The following NPAS4 variants were observed in gnomAD, a reference collection of about 807,000 sequenced individuals.
The protein encoded by NPAS4 is neuronal PAS domain-containing protein 4.
A neutral mutation model predicts 64.0 loss-of-function variants in NPAS4; 10 were observed. That is an observed-to-expected ratio of 0.16 (90% CI 0.10 to 0.26). The LOEUF is 0.26. NPAS4 is among the 10% of genes least tolerant of loss of function. The pLI, the probability that NPAS4 is intolerant of heterozygous loss-of-function variation, is 1.00. For synonymous variants in NPAS4, 441 were observed against 411.7 expected, an observed-to-expected ratio of 1.07 and a Z score of -0.86; for missense variants, 886 against 992.6, an observed-to-expected ratio of 0.89 and a Z score of 1.44.
chr11:66,418,816 G>A (rs1856697432), upstream of NPAS4, among the ~76,000 whole-genome samples: 1 of 152,164 alleles, frequency 6.6e-6, no homozygotes, highest in Admixed American at 6.5e-5. Flanking sequence ...GGGTACCCAA[G>A]CCCTACGTCG....
At chr11:66,409,663 G>A in the NPAS4 span, among the ~76,000 whole-genome samples, 1 of 152,190 alleles carries the variant, frequency 6.6e-6, no homozygotes, top group South Asian at 2.1e-4. Context: ...AGTAGTGATT[G>A]ACTAGGGCCA....
rs757922648 is a variant in NPAS4 at position 66,424,426 on chromosome 11, G to A, written c.1536G>A (p.Leu512=). 9 of 1,613,982 alleles carry A rather than the reference G, an allele frequency of 5.6e-6. No homozygotes were observed. The highest frequency in any genetic ancestry group is 7.6e-6 in the Non-Finnish European group (9 of 1,180,032). ...TPCTSTFPDQ[L]LPSTATFPEP... is the part of the protein sequence containing the mutation. Reference sequence around the variant, plus strand: ...GCACCTCCACCTTCCCAGACCAGCTGCTTCCCAGCACAGCCACCTTCCCAG... The same window carrying A: ...GCACCTCCACCTTCCCAGACCAGCTACTTCCCAGCACAGCCACCTTCCCAG... The change falls in exon 7 of 8, where the codon CTG becomes CTA. Residue 512 remains leucine, a synonymous_variant. Transcript: ENST00000311034.
upstream of NPAS4, among the ~76,000 whole-genome samples, chr11:66,417,649 G>C (rs1267974999): frequency 6.6e-6 from 1 of 152,022 alleles, no homozygotes; most frequent in Non-Finnish European, 1.5e-5. Flanking sequence ...ATTGAGTCTG[G>C]GGACGCATGT....
chr11:66,423,150 C>T lies in NPAS4; in HGVS notation c.726C>T (p.Arg242=), dbSNP rs760841437. 1 of 1,610,996 alleles carries T rather than the reference C, an allele frequency of 6.2e-7. No individual in the cohort carries two copies. ...ESVLIYLGFE[R]SELLCKSWYG... ...TCCTAATCTACCTGGGCTTTGAGCG[C>T]AGTGAACTGCTTTGTAAATCATGGT... Residue 242 remains arginine (R), a synonymous_variant, in exon 5 of 8, where the codon CGC becomes CGT. Coordinates refer to ENST00000311034, the MANE Select transcript of NPAS4 (RefSeq NM_178864.4).
chr11:66,425,763 C>T (rs1294025212), intron 7 of NPAS4, among the ~76,000 whole-genome samples, 198 bp from the exon 8 acceptor site: 1 of 152,130 alleles, frequency 6.6e-6, no homozygotes, highest in African/African-American at 2.4e-5. Context: ...TGGTTACAGC[C>T]CCATCCTTCC....
chr11:66,426,156 G>T lies in NPAS4; in HGVS notation c.*167G>T. ...GGGGGGGGGAGGTGGGAGGGCAAGGGAGGGGAGCTTCTTTTTAAAATCAAG... is the reference window on the plus strand; with the variant it reads ...GGGGGGGGGAGGTGGGAGGGCAAGGTAGGGGAGCTTCTTTTTAAAATCAAG... On this transcript the variant is annotated 3_prime_UTR_variant, in exon 8 of 8. Coordinates refer to ENST00000311034, the MANE Select transcript of NPAS4 (RefSeq NM_178864.4). 1 of 562,150 alleles carries T rather than the reference G, an allele frequency of 1.8e-6. No individual in the cohort carries two copies. The highest frequency in any genetic ancestry group is 3.2e-6 in the Non-Finnish European group (1 of 309,598). 34.8% of individuals were successfully genotyped at this position (562,150 alleles called of 1,614,324 possible).
chr11:66,414,700 G>A, the NPAS4 span, among the ~76,000 whole-genome samples: 7 of 152,214 alleles, frequency 4.6e-5, no homozygotes, highest in Admixed American at 2.6e-4. Context: ...AAGATGCAGC[G>A]GAAGACAACA....
In NPAS4 at chr11:66,426,111, CCAGGCCCTGCAGGATTTTGGG is replaced by C; in HGVS notation, c.*123_*143del. ...GCCAGAGGGGGATATATATGATTCC[CCAGGCCCTGCAGGATTTTGGG>C]GGGGGGGAGGTGGGAGGGCAAGGGA... is the stretch of plus-strand genomic sequence containing the variant. On this transcript the variant is annotated 3_prime_UTR_variant, in exon 8 of 8. Transcript: ENST00000311034. The C allele has an allele frequency of 1.5e-6, 1 of 661,206 alleles. No homozygotes were observed. The highest frequency in any genetic ancestry group is 2.7e-6 in the Non-Finnish European group (1 of 366,876). The allele number at this position is 661,206 out of a possible 1,614,324, so 41.0% of individuals were successfully genotyped here. A position where few individuals can be genotyped will look rare whatever the true frequency, so the allele number is the denominator to read the frequency against.
At position 66,425,270 on chromosome 11, in the gene NPAS4, G is replaced by A. The variant is rs768347651; in HGVS notation, c.2380G>A (p.Asp794Asn). 1.3e-6 allele frequency: 2 copies of A among 1,495,706 alleles called. No individual in the cohort carries two copies. The highest frequency in any genetic ancestry group is 2.4e-5 in the East Asian group (1 of 42,450). 92.7% of individuals were successfully genotyped at this position (1,495,706 alleles called of 1,614,324 possible). Residue 794 changes from aspartate (D) to asparagine (N), a missense_variant and splice_region_variant, in exon 7 of 8, where the codon GAT (aspartate) becomes AAT (asparagine). Asp to Asn is a conservative substitution (Grantham distance 23, BLOSUM62 1). Transcript: ENST00000311034. ...QSQVQDSFHE[D>N]GSGGEPTF is the part of the protein sequence containing the mutation. Reference sequence around the variant, plus strand: ...CCAAGTTCAAGACAGCTTCCATGAAGGTGAGTCAGCCAAAAGGTCCAAGAA... The same window carrying A: ...CCAAGTTCAAGACAGCTTCCATGAAAGTGAGTCAGCCAAAAGGTCCAAGAA...
the NPAS4 span, among the ~76,000 whole-genome samples, chr11:66,415,977 C>A: frequency 6.6e-6 from 1 of 152,062 alleles, no homozygotes; most frequent in Non-Finnish European, 1.5e-5. Flanking sequence ...GTAGTTTATG[C>A]CTGTAGTCCC....
rs1008776699 is a variant in NPAS4, at chr11:66,425,860, T to C, written c.2381-101T>C. 3.0e-5 allele frequency: 27 copies of C among 885,984 alleles called. No individual in the cohort carries two copies. In the African/African-American group the frequency reaches 3.6e-4, roughly 12 times the overall value. 54.9% of individuals were successfully genotyped at this position (885,984 alleles called of 1,614,324 possible). A position where few individuals can be genotyped will look rare whatever the true frequency, so the allele number is the denominator to read the frequency against. ...GGCCATCATTTCATCATTGAGCCAA[T>C]ATCTTTGAAGCCTATACTAATACCA... On this transcript the variant is annotated intron_variant, in intron 7 of 7. Transcript: ENST00000311034.
chr11:66,421,319 G>A lies in NPAS4; in HGVS notation c.140G>A (p.Cys47Tyr). ...LSYLHIMSLACIYTRKGVFFA... is the reference protein window; with the variant it reads ...LSYLHIMSLAYIYTRKGVFFA... ...TACCTGCACATCATGAGCCTCGCCTGCATCTACACTCGCAAGGGCGTCTTC... is the reference window on the plus strand; with the variant it reads ...TACCTGCACATCATGAGCCTCGCCTACATCTACACTCGCAAGGGCGTCTTC... Residue 47 changes from cysteine to tyrosine, a missense_variant, in exon 1 of 8, where the codon TGC becomes TAC. Around this residue, in one of 3 missense-constraint regions of NPAS4, gnomAD observed 38 missense variants for 80.1 expected, o/e 0.47. Transcript: ENST00000311034. The A allele has an allele frequency of 6.2e-7, 1 of 1,613,992 alleles. No homozygotes were observed. Among genetic ancestry groups the A allele is most frequent in the Non-Finnish European group, 8.5e-7 (1 of 1,179,950 alleles).
chr11:66,417,711 G>A (rs777788495), upstream of NPAS4, among the ~76,000 whole-genome samples: 3 of 151,918 alleles, frequency 2.0e-5, no homozygotes, highest in Admixed American at 6.6e-5. Context: ...ACTCAGATAT[G>A]GACACAAACA....
chr11:66,423,546 A>G (rs775554845), intron 5 of NPAS4, 32 bp from the exon 6 acceptor site: 1 of 1,612,624 alleles, frequency 6.2e-7, no homozygotes, highest in African/African-American at 1.3e-5. Flanking sequence ...TGCCTGGTGG[A>G]CATCCTAACT....
chr11:66,412,751 AAC>A, the NPAS4 span, among the ~76,000 whole-genome samples: 1 of 152,202 alleles, frequency 6.6e-6, no homozygotes, highest in Non-Finnish European at 1.5e-5. Context: ...TAAGTCACTT[AAC>A]TGACCGATGT....
chr11:66,424,552 C>T lies in NPAS4; in HGVS notation c.1662C>T (p.Ser554=), dbSNP rs763622376. Residue 554 remains serine, a synonymous_variant, in exon 7 of 8, where the codon AGC becomes AGT. Coordinates refer to ENST00000311034, the MANE Select transcript of NPAS4 (RefSeq NM_178864.4). ...SPSQTFPEQL[S]PNPTKTYFAQ... The stretch of plus-strand genomic sequence containing the variant: ...GCCAAACCTTCCCAGAGCAACTGAG[C>T]CCCAACCCTACCAAGACTTACTTTG... 2 of 1,614,052 alleles carry T rather than the reference C, an allele frequency of 1.2e-6. No individual in the cohort carries two copies. Among genetic ancestry groups the T allele is most frequent in the South Asian group, 2.2e-5 (2 of 91,090 alleles).
At chr11:66,417,799 T>A (rs1434714274), upstream of NPAS4, among the ~76,000 whole-genome samples, 1 of 148,028 alleles carries the variant, frequency 6.8e-6, no homozygotes, top group African/African-American at 2.5e-5. Context: ...GCACAGAACA[T>A]AGGAAGTTGG....
In NPAS4 at chr11:66,424,171, G is replaced by A. The variant is rs140700532; in HGVS notation, c.1281G>A (p.Thr427=). The A allele has an allele frequency of 3.9e-5, 63 of 1,613,704 alleles. No homozygotes were observed. Among genetic ancestry groups the A allele is most frequent in the Middle Eastern group, 3.3e-4 (2 of 6,084 alleles). Residue 427 remains threonine, a synonymous_variant, in exon 7 of 8, where the codon ACG becomes ACA. Transcript: ENST00000311034. ...ATCTTGTGTGCACTCCACCTTACAC[G>A]CCCCATCAGCCAGGAGGCTGTGCCT... The part of the protein sequence containing the change: ...SKDLVCTPPY[T]PHQPGGCAFL...
upstream of NPAS4, among the ~76,000 whole-genome samples, chr11:66,420,349 C>G (rs1203870113): frequency 6.6e-6 from 1 of 152,234 alleles, no homozygotes; most frequent in East Asian, 1.9e-4. Context: ...ACCGGACTCC[C>G]TTTCCACCCA....
Sources: allele counts gnomAD v4.1 joint callset (sites outside exome capture counted in the v4.1 genomes callset), GRCh38; gene constraint gnomAD v4.1.1; regional missense constraint gnomAD v4.1.1; transcripts MANE v1.5; gene names NCBI Gene and HGNC (gene_info 2026-07-23, HGNC 2026-07-21).